TMEM63A: variants seen among roughly 807,000 people sequenced by gnomAD.
The protein encoded by TMEM63A is transmembrane protein 63A, also known as mechanosensitive cation channel TMEM63A.
In TMEM63A, 76 loss-of-function variants were observed where a neutral mutation model predicts 100.6. The observed-to-expected ratio is 0.76, with a 90% CI of 0.63 to 0.91. The LOEUF (loss-of-function observed/expected upper bound fraction) is 0.91. TMEM63A is among the 40% of genes least tolerant of loss of function. TMEM63A has a pLI of 0.00. For synonymous variants in TMEM63A, 401 were observed against 401.1 expected (o/e 1.00, Z 0.00); for missense variants, 876 against 1,008.8 (o/e 0.87, Z 1.78).
intron 15 of TMEM63A, among the ~76,000 whole-genome samples, chr1:225,858,317 TG>T (rs377196231): frequency 0.59 from 74,840 of 126,424 alleles, 24,394 homozygotes; most frequent in Middle Eastern, 0.66. Context: ...CAGAATAGTT[TG>T]TTTTTTTTTT....
chr1:225,866,397 G>GA, intron 9 of TMEM63A, 177 bp downstream of exon 9: 1 of 597,980 alleles, frequency 1.7e-6, no homozygotes, highest in East Asian at 2.9e-5. Flanking sequence ...AATCCACCAG[G>GA]AAACTGTTTT....
At chr1:225,858,186 T>C (rs1025544906) in intron 15 of TMEM63A, among the ~76,000 whole-genome samples, 3 of 152,088 alleles carry the variant, frequency 2.0e-5, no homozygotes, top group Non-Finnish European at 2.9e-5. Flanking sequence ...TCTAGGGAGA[T>C]GGTTTGGCAA....
intron 19 of TMEM63A, among the ~76,000 whole-genome samples, chr1:225,852,987 G>A (rs1225613926): frequency 1.3e-5 from 2 of 152,214 alleles, no homozygotes; most frequent in South Asian, 2.1e-4. Flanking sequence ...GTGTTTGCTA[G>A]TGCTCCCTTC....
intron 17 of TMEM63A, 21 bp from the exon 18 acceptor site, chr1:225,855,961 C>A: frequency 6.2e-7 from 1 of 1,612,058 alleles, no homozygotes; most frequent in Non-Finnish European, 8.5e-7. Context: ...AAGGAACCCC[C>A]TAAGAGTTTA....
rs868851244 is a variant in TMEM63A at position 225,865,577 on chromosome 1, C to A, written c.746+320G>T. The A allele has an allele frequency of 3.6e-6, 1 of 277,660 alleles. No homozygotes were observed. The highest frequency in any genetic ancestry group is 4.1e-5 in the Admixed American group (1 of 24,136). The allele number at this position is 277,660 out of a possible 1,614,324, so 17.2% of individuals were successfully genotyped here. A position where few individuals can be genotyped will look rare whatever the true frequency, so the allele number is the denominator to read the frequency against. On this transcript the variant is annotated intron_variant, in intron 10 of 24. Coordinates refer to ENST00000366835, the MANE Select transcript of TMEM63A (RefSeq NM_014698.3). The surrounding 1 kb of genome is among the most constrained non-coding windows in gnomAD (Gnocchi z 4.6). ...TATTCTGCAAAGGTGATGCTAAGAA[C>A]CCCGGGGTCAACAATTTTTTCCCCC... is the stretch of plus-strand genomic sequence containing the variant.
chr1:225,881,373 G>C (rs1559055773), intron 1 of TMEM63A, among the ~76,000 whole-genome samples: 1 of 152,220 alleles, frequency 6.6e-6, no homozygotes, highest in Non-Finnish European at 1.5e-5. Flanking sequence ...ACTTAGCCCA[G>C]GACCCGGCCC....
At chr1:225,874,505 G>GAAGT in intron 3 of TMEM63A, 138 bp from the exon 4 acceptor site, 1 of 690,610 alleles carries the variant, frequency 1.4e-6, no homozygotes, top group East Asian at 2.7e-5. Flanking sequence ...AGAGGGCACT[G>GAAGT]AAGTGCCCAA....
intron 6 of TMEM63A, 47 bp downstream of exon 6, chr1:225,871,029 A>G (rs2102638047): frequency 6.2e-7 from 1 of 1,609,282 alleles, no homozygotes; most frequent in East Asian, 2.2e-5. Context: ...AACACCCAAA[A>G]AAACCAGCCC....
chr1:225,850,848 A>G (rs1669291830), intron 20 of TMEM63A, among the ~76,000 whole-genome samples: 1 of 152,114 alleles, frequency 6.6e-6, no homozygotes, highest in Non-Finnish European at 1.5e-5. Flanking sequence ...AGTAGCTGGG[A>G]CTACGGGCGC....
In TMEM63A at chr1:225,845,712, A is replaced by C; in HGVS notation, c.*1227T>G. On this transcript the variant is annotated 3_prime_UTR_variant, in exon 25 of 25. Transcript: ENST00000366835. Reference sequence around the variant, plus strand: ...GCCAGGGCTATGCTGCACCAGACCAATGGCACCGCCCCCACCCCTCCCAGC... The same window carrying C: ...GCCAGGGCTATGCTGCACCAGACCACTGGCACCGCCCCCACCCCTCCCAGC... The C allele has an allele frequency of 1.9e-4, 66 of 353,706 alleles. No individual in the cohort carries two copies. The highest frequency in any genetic ancestry group is 2.5e-4 in the Non-Finnish European group (46 of 186,226). 21.9% of individuals were successfully genotyped at this position (353,706 alleles called of 1,614,324 possible). A position where few individuals can be genotyped will look rare whatever the true frequency, so the allele number is the denominator to read the frequency against.
intron 20 of TMEM63A, among the ~76,000 whole-genome samples, chr1:225,850,324 A>G (rs1246245462): frequency 6.6e-6 from 1 of 152,126 alleles, no homozygotes; most frequent in Non-Finnish European, 1.5e-5. Flanking sequence ...TGGTGGGAGA[A>G]AATTTAAGAT....
intron 3 of TMEM63A, among the ~76,000 whole-genome samples, chr1:225,875,026 G>A (rs1227474859): frequency 6.6e-6 from 1 of 152,172 alleles, no homozygotes; most frequent in African/African-American, 2.4e-5. Context: ...GAGCCACCAT[G>A]CTGGCCAGAA....
downstream of TMEM63A, among the ~76,000 whole-genome samples, chr1:225,842,694 G>GA (rs1362294730): frequency 6.6e-6 from 1 of 152,238 alleles, no homozygotes; most frequent in African/African-American, 2.4e-5. Flanking sequence ...TCAAGACTAG[G>GA]ATGCAGGCTC....
rs747513611 is a variant in TMEM63A, at chr1:225,871,082, CG to C, written c.364del (p.Arg122ValfsTer62). 1.2e-6 allele frequency: 2 copies of C among 1,614,018 alleles called. No homozygotes were observed. Among genetic ancestry groups the C allele is most frequent in the Non-Finnish European group, 1.7e-6 (2 of 1,179,912 alleles). ...TGCCCCCGGGTGTACTCACTGCAGA[CG>C]GAAGATGGCAGTCAGCCAGGGACAG... is the stretch of plus-strand genomic sequence containing the variant. The part of the protein sequence containing the change: ...GCCPWLTAIF[R>X]LHDDQILEWC... On this transcript the variant is annotated frameshift_variant, in exon 6 of 25. Coordinates refer to ENST00000366835, the MANE Select transcript of TMEM63A (RefSeq NM_014698.3). LOFTEE classifies it high-confidence loss of function.
intron 6 of TMEM63A, among the ~76,000 whole-genome samples, chr1:225,870,352 G>A (rs202153235): frequency 3.5e-5 from 5 of 141,034 alleles, no homozygotes; most frequent in Non-Finnish European, 3.0e-5. Flanking sequence ...AACTCGGTCT[G>A]AAAAAAAAAA....
At position 225,851,133 on chromosome 1, in the gene TMEM63A, G is replaced by A. The variant is rs114885549; in HGVS notation, c.1904-1054C>T. Among the ~76,000 whole-genome samples the A allele has an allele frequency of 9.6e-3, 1,467 of 152,252 alleles. 30 individuals are homozygous for A. Among genetic ancestry groups the A allele is most frequent in the African/African-American group, 0.034 (1,402 of 41,526 alleles). On this transcript the variant is annotated intron_variant, in intron 20 of 24. Coordinates refer to ENST00000366835, the MANE Select transcript of TMEM63A (RefSeq NM_014698.3). ...ACATTCCAGAATCATCTTGGAAAGAGGCTGTTTCACAGTTGGATGCCTGGC... is the reference window on the plus strand; with the variant it reads ...ACATTCCAGAATCATCTTGGAAAGAAGCTGTTTCACAGTTGGATGCCTGGC...
At chr1:225,868,066 G>C (rs202029489) in intron 6 of TMEM63A, 36 bp from the exon 7 acceptor site, 8 of 1,611,884 alleles carry the variant, frequency 5.0e-6, no homozygotes, top group Non-Finnish European at 6.8e-6. Context: ...ATGAGCAGTG[G>C]AACAGGCCTC....
downstream of TMEM63A, chr1:225,845,326 G>A (rs758813207): frequency 6.8e-6 from 11 of 1,611,342 alleles, no homozygotes; most frequent in Admixed American, 5.0e-5. Flanking sequence ...GCAAGTTCCT[G>A]TCGGTGCTGG....
intron 15 of TMEM63A, 117 bp from the exon 16 acceptor site, chr1:225,857,134 C>T (rs1669663302): frequency 1.1e-6 from 1 of 871,300 alleles, no homozygotes; most frequent in Admixed American, 3.8e-5. Flanking sequence ...TTTGTCATCT[C>T]TGACCCCAGA....
Sources: gnomAD v4.1 joint callset for allele counts (sites outside exome capture counted in the v4.1 genomes callset) on GRCh38, gnomAD v4.1.1 for gene constraint, Gnocchi (gnomAD v3.1) non-coding constraint, MANE v1.5 for transcripts, NCBI Gene and HGNC (gene_info 2026-07-23, HGNC 2026-07-21) for gene names.